EFHC1: variants seen among roughly 807,000 people sequenced by gnomAD.
The protein encoded by EFHC1 is EF-hand domain containing 1.
In EFHC1, 53 loss-of-function variants were observed where a neutral mutation model predicts 69.9. The observed-to-expected ratio is 0.76, with a 90% CI of 0.61 to 0.95. The LOEUF (loss-of-function observed/expected upper bound fraction) is 0.95. Ranked by LOEUF, EFHC1 falls within the 40% of genes least tolerant of loss-of-function variation. The pLI is 0.00. For synonymous variants in EFHC1, 256 were observed against 278.4 expected (o/e 0.92, Z 0.80); for missense variants, 739 against 798.7 (o/e 0.93, Z 0.90).
rs142210037 is a variant in EFHC1, at chr6:52,452,899, CA to C, written c.723+66del. On this transcript the variant is annotated intron_variant, in intron 4 of 10. Transcript: ENST00000371068. ...TCCAAATGTGACCTACATTTATTGG[CA>C]AAAGGTTTGGGTAGCTGTATTGGTA... is the stretch of plus-strand genomic sequence containing the variant. 1.1e-3 allele frequency: 1,734 copies of C among 1,611,046 alleles called. 19 individuals are homozygous for C. In the African/African-American group the frequency reaches 0.02, roughly 18 times the overall value.
chr6:52,443,428 A>G (rs1198726407), intron 3 of EFHC1, among the ~76,000 whole-genome samples: 12 of 152,154 alleles, frequency 7.9e-5, no homozygotes, highest in African/African-American at 1.2e-4. Context: ...TAGGTCTAAC[A>G]TTTAAGTCTT....
In EFHC1 at chr6:52,438,501, C is replaced by T. The variant is rs1184954075; in HGVS notation, c.483C>T (p.Asp161=). Residue 161 remains aspartate, a synonymous_variant, in exon 3 of 11, where the codon GAC becomes GAT. Coordinates refer to ENST00000371068, the MANE Select transcript of EFHC1 (RefSeq NM_018100.4). ...RQRLAKNDRG[D]HYHWKDLNRG... ...GGCTAGCCAAGAATGACCGGGGTGA[C>T]CATTACCATTGGAAAGACCTAAATC... The T allele has an allele frequency of 1.2e-6, 2 of 1,613,994 alleles. No homozygotes were observed. Among genetic ancestry groups the T allele is most frequent in the Non-Finnish European group, 1.7e-6 (2 of 1,179,968 alleles).
chr6:52,420,444 C>T lies in EFHC1; in HGVS notation c.34C>T (p.Leu12Phe). Residue 12 changes from leucine to phenylalanine, a missense_variant, in exon 1 of 11, where the codon CTT (leucine) becomes TTT (phenylalanine). By Grantham distance (22) the Leu-to-Phe change is conservative. Coordinates refer to ENST00000371068, the MANE Select transcript of EFHC1 (RefSeq NM_018100.4). ...VSNPVHGLPF[L>F]PGTSFKDSTK... ...CAATCCCGTGCATGGCTTGCCCTTT[C>T]TTCCGGGCACGTCCTTTAAGGACTC... The T allele has an allele frequency of 6.2e-7, 1 of 1,614,266 alleles. No homozygotes were observed. Among genetic ancestry groups the T allele is most frequent in the Non-Finnish European group, 8.5e-7 (1 of 1,180,048 alleles).
intron 1 of EFHC1, chr6:52,423,715 A>G: frequency 1.7e-6 from 1 of 592,224 alleles, no homozygotes; most frequent in Non-Finnish European, 2.7e-6. Context: ...CTTGTTGCCC[A>G]GGCTGGTCTC....
At chr6:52,424,915 T>C (rs895537672) in intron 2 of EFHC1, among the ~76,000 whole-genome samples, 6 of 152,364 alleles carry the variant, frequency 3.9e-5, no homozygotes, top group Non-Finnish European at 7.3e-5. Context: ...TGAGAAGTAC[T>C]GATCAGTTTT....
Position 52,494,668 on chromosome 6 carries a change from A to G in EFHC1, c.*2327A>G, listed in dbSNP as rs1378081926. On this transcript the variant is annotated 3_prime_UTR_variant, in exon 11 of 11. Coordinates refer to ENST00000371068, the MANE Select transcript of EFHC1 (RefSeq NM_018100.4). ...CCAGGTAGTGAGCATAGTGCCCAGT[A>G]AGTAGTTTTTCCACACATACCCCCT... 2.2e-6 allele frequency: 1 copy of G among 454,020 alleles called. No homozygotes were observed. Among genetic ancestry groups the G allele is most frequent in the Admixed American group, 2.3e-5 (1 of 42,564 alleles). 28.1% of individuals were successfully genotyped at this position (454,020 alleles called of 1,614,324 possible). A position where few individuals can be genotyped will look rare whatever the true frequency, so the allele number is the denominator to read the frequency against.
chr6:52,464,705 A>G (rs149596963), intron 5 of EFHC1, among the ~76,000 whole-genome samples, 190 bp from the exon 6 acceptor site: 131 of 152,356 alleles, frequency 8.6e-4, no homozygotes, highest in Non-Finnish European at 1.4e-3. Flanking sequence ...CGTATTATGT[A>G]CGTGTCGTAT....
chr6:52,453,827 A>C, intron 4 of EFHC1: 1 of 1,314,706 alleles, frequency 7.6e-7, no homozygotes. Context: ...TCACTGACTA[A>C]TATTTTGGAT....
chr6:52,474,843 A>G (rs1178631311), intron 7 of EFHC1, among the ~76,000 whole-genome samples: 1 of 152,194 alleles, frequency 6.6e-6, no homozygotes, highest in Non-Finnish European at 1.5e-5. Context: ...ACTAAAGAAA[A>G]CCATACAATT....
intron 2 of EFHC1, among the ~76,000 whole-genome samples, chr6:52,434,884 CAT>C (rs59802769): frequency 9.5e-4 from 141 of 147,910 alleles, no homozygotes; most frequent in Middle Eastern, 3.5e-3. Context: ...TACCTGAGAC[CAT>C]ATATATATAT....
chr6:52,449,554 G>A (rs1193133746), intron 3 of EFHC1, among the ~76,000 whole-genome samples: 1 of 152,264 alleles, frequency 6.6e-6, no homozygotes, highest in Non-Finnish European at 1.5e-5. Context: ...TCAGTCTTGG[G>A]TGAGTGTATG....
chr6:52,490,095 C>G lies in EFHC1; in HGVS notation c.1641-45C>G, dbSNP rs186393445. On this transcript the variant is annotated intron_variant, in intron 9 of 10. Coordinates refer to ENST00000371068, the MANE Select transcript of EFHC1 (RefSeq NM_018100.4). ...CTTTGGTCACCGAGATGAGACTGAT[C>G]AAGAATAAATACCATGTGCAGTCAT... is the stretch of plus-strand genomic sequence containing the variant. The G allele has an allele frequency of 2.4e-5, 37 of 1,570,752 alleles. No homozygotes were observed. The African/African-American group carries it at 4.5e-4, about 19-fold the overall frequency.
intron 7 of EFHC1, among the ~76,000 whole-genome samples, chr6:52,473,642 C>G (rs934927083): frequency 6.6e-6 from 1 of 152,008 alleles, no homozygotes; most frequent in Admixed American, 6.6e-5. Flanking sequence ...ATTAGCTGGG[C>G]ATGTTAGTGC....
intron 3 of EFHC1, among the ~76,000 whole-genome samples, chr6:52,443,161 A>C (rs1242708731): frequency 4.6e-5 from 7 of 151,998 alleles, no homozygotes; most frequent in Admixed American, 1.3e-4. Context: ...AAATTTGTTT[A>C]AGTTCTTTGT....
intron 5 of EFHC1, among the ~76,000 whole-genome samples, chr6:52,461,117 G>C (rs1377666106): frequency 6.6e-6 from 1 of 152,024 alleles, no homozygotes; most frequent in Admixed American, 6.6e-5. Context: ...GTGCAGGTTT[G>C]TTTTATGAGT....
chr6:52,469,419 C>G lies in EFHC1; in HGVS notation c.1224C>G (p.Asp408Glu). ...FALIPKAPKK[D>E]VIKMLVNDNK... ...TCATTCCAAAAGCTCCAAAAAAAGA[C>G]GTTATTAAAATGCTGGTGAATGATA... Residue 408 changes from aspartate (D) to glutamate (E), a missense_variant, in exon 7 of 11, where the codon GAC becomes GAG. By Grantham distance (45) the Asp-to-Glu change is conservative. Transcript: ENST00000371068. The G allele has an allele frequency of 6.2e-7, 1 of 1,613,992 alleles. No individual in the cohort carries two copies. The highest frequency in any genetic ancestry group is 1.1e-5 in the South Asian group (1 of 91,068).
At position 52,493,542 on chromosome 6, in the gene EFHC1, C is replaced by T. The variant is rs1397742942; in HGVS notation, c.*1201C>T. 3 of 426,670 alleles carry T rather than the reference C, an allele frequency of 7.0e-6. No homozygotes were observed. Among genetic ancestry groups the T allele is most frequent in the South Asian group, 3.4e-5 (2 of 59,096 alleles). The allele number at this position is 426,670 out of a possible 1,614,324, so 26.4% of individuals were successfully genotyped here. ...TGGCGTGTGCCTGTAGTCCCAGCCA[C>T]TCGGGAGGCTTAAATGGGAGAATCA... On this transcript the variant is annotated 3_prime_UTR_variant, in exon 11 of 11. Coordinates refer to ENST00000371068, the MANE Select transcript of EFHC1 (RefSeq NM_018100.4).
In EFHC1 at chr6:52,490,290, CAT is replaced by C. The variant is rs1377798417; in HGVS notation, c.1792_1793del (p.Met598ValfsTer3). 6.2e-7 allele frequency: 1 copy of C among 1,614,150 alleles called. No individual in the cohort carries two copies. Among genetic ancestry groups the C allele is most frequent in the South Asian group, 1.1e-5 (1 of 91,088 alleles). On this transcript the variant is annotated frameshift_variant, in exon 10 of 11. Transcript: ENST00000371068. LOFTEE classifies it high-confidence loss of function. ...AAGCTTCAGGATATGTGGACAGAGA[CAT>C]GTTCTTTAAAATCTGTGAATCGCTT... is the stretch of plus-strand genomic sequence containing the variant. ...KEASGYVDRD[M>X]FFKICESLNV...
rs138197937 is a variant in EFHC1, at chr6:52,463,988, A to G, written c.917-907A>G. On this transcript the variant is annotated intron_variant, in intron 5 of 10. Transcript: ENST00000371068. ...AACTTAGCCTTATTCCAGTTTTTCAATCTCAGTAATTACTAGTTAGGAGAA... is the reference window on the plus strand; with the variant it reads ...AACTTAGCCTTATTCCAGTTTTTCAGTCTCAGTAATTACTAGTTAGGAGAA... 2.6e-5 allele frequency among the ~76,000 whole-genome samples: 4 copies of G among 152,314 alleles called. No homozygotes were observed. The East Asian group carries it at 7.7e-4, about 29-fold the overall frequency.
Sources: allele counts gnomAD v4.1 joint callset (sites outside exome capture counted in the v4.1 genomes callset), GRCh38; gene constraint gnomAD v4.1.1; transcripts MANE v1.5; gene names NCBI Gene and HGNC (gene_info 2026-07-23, HGNC 2026-07-21).